Variants in BBS9 observed in about 807,000 individuals in gnomAD.
BBS9 encodes protein PTHB1.
Under a neutral mutation model 117.7 loss-of-function variants are expected in BBS9, and 89 were observed. That is an observed-to-expected ratio of 0.76 (90% CI 0.64 to 0.90). The LOEUF is 0.90. Among genes scored for constraint, BBS9 ranks in the 40% least tolerant of loss-of-function variants. The pLI, the probability that BBS9 is intolerant of heterozygous loss-of-function variation, is 0.00. For synonymous variants in BBS9, 379 were observed against 370.9 expected (o/e 1.02, Z -0.25); for missense variants, 982 against 1,042.2 (o/e 0.94, Z 0.80).
intron 20 of BBS9, among the ~76,000 whole-genome samples, chr7:33,525,654 G>A (rs1158448032): frequency 5.3e-5 from 7 of 131,210 alleles, no homozygotes; most frequent in African/African-American, 2.2e-4. Flanking sequence ...CTGCACGTGA[G>A]ATGGGTTTCC....
At chr7:33,473,620 C>T (rs762600042) in intron 19 of BBS9, among the ~76,000 whole-genome samples, 25 of 152,208 alleles carry the variant, frequency 1.6e-4, no homozygotes, top group Non-Finnish European at 2.6e-4. Flanking sequence ...CTACCACGCT[C>T]AGCCAACATT....
intron 5 of BBS9, among the ~76,000 whole-genome samples, chr7:33,209,424 T>G (rs1787592031): frequency 6.6e-6 from 1 of 152,238 alleles, no homozygotes. Flanking sequence ...AGATATCTCT[T>G]TGATATACTG....
chr7:33,194,583 T>C (rs1160669638), intron 5 of BBS9, among the ~76,000 whole-genome samples: 1 of 152,186 alleles, frequency 6.6e-6, no homozygotes, highest in Non-Finnish European at 1.5e-5. Flanking sequence ...AAAATTCCTG[T>C]GGATTCAGCA....
intron 12 of BBS9, among the ~76,000 whole-genome samples, chr7:33,347,182 A>G (rs1817747158): frequency 6.6e-6 from 1 of 152,220 alleles, no homozygotes; most frequent in Admixed American, 6.5e-5. Flanking sequence ...TGTAAAGAGT[A>G]AATTAAATAA....
intron 11 of BBS9, among the ~76,000 whole-genome samples, chr7:33,342,110 A>T (rs1171362574): frequency 6.6e-6 from 1 of 152,138 alleles, no homozygotes; most frequent in Non-Finnish European, 1.5e-5. Context: ...AACGTATATC[A>T]TGAGTGTCAA....
intron 17 of BBS9, among the ~76,000 whole-genome samples, chr7:33,369,403 T>C (rs573003834): frequency 6.6e-6 from 1 of 152,352 alleles, no homozygotes; most frequent in Non-Finnish European, 1.5e-5. Flanking sequence ...AGAACCCTGA[T>C]GTTGCCCACG....
intron 9 of BBS9, among the ~76,000 whole-genome samples, chr7:33,316,361 C>G (rs962720945): frequency 6.6e-6 from 1 of 152,116 alleles, no homozygotes; most frequent in African/African-American, 2.4e-5. Flanking sequence ...AAAATCTCTT[C>G]TGTGTAAATC....
intron 16 of BBS9, among the ~76,000 whole-genome samples, chr7:33,366,685 C>T (rs2128711605): frequency 6.6e-6 from 1 of 151,894 alleles, no homozygotes; most frequent in African/African-American, 2.4e-5. Flanking sequence ...GCTGGGACTA[C>T]AGGCGCATGC....
At chr7:33,435,451 A>G (rs73314991) in intron 19 of BBS9, among the ~76,000 whole-genome samples, 5,644 of 152,226 alleles carry the variant, frequency 0.037, 357 homozygotes, top group African/African-American at 0.13. Context: ...CCTTTTGTAG[A>G]TGTTCCTTAA....
intron 21 of BBS9, among the ~76,000 whole-genome samples, chr7:33,600,539 C>T (rs2129198634): frequency 6.6e-6 from 1 of 152,278 alleles, no homozygotes; most frequent in Middle Eastern, 3.4e-3. Context: ...CCCGACTCTG[C>T]ATAGCTAAGT....
chr7:33,219,545 C>A (rs1789794709), intron 5 of BBS9, among the ~76,000 whole-genome samples: 1 of 152,186 alleles, frequency 6.6e-6, no homozygotes, highest in African/African-American at 2.4e-5. Flanking sequence ...CCAGTCAGCA[C>A]CCTGTGTCTA....
In BBS9 at chr7:33,534,209, T is replaced by C. The variant is rs768317277; in HGVS notation, c.2521+33T>C. ...CTCTGTCCATGCTCCCTAATCACAA[T>C]TGTACTTCTCCTAAATTAGAGGAAT... On this transcript the variant is annotated intron_variant, in intron 21 of 22. Transcript: ENST00000242067. 9.4e-6 allele frequency: 15 copies of C among 1,592,324 alleles called. 1 individual carries two copies. In the Middle Eastern group the frequency reaches 8.3e-4, roughly 88 times the overall value.
chr7:33,352,372 G>A (rs1264119275), intron 14 of BBS9, among the ~76,000 whole-genome samples: 1 of 152,106 alleles, frequency 6.6e-6, no homozygotes, highest in Admixed American at 6.6e-5. Context: ...TTAACATTGA[G>A]AGAGTCTGCA....
At chr7:33,501,391 T>C (rs1253009272) in intron 19 of BBS9, among the ~76,000 whole-genome samples, 1 of 152,232 alleles carries the variant, frequency 6.6e-6, no homozygotes, top group Non-Finnish European at 1.5e-5. Context: ...GTAATTTACA[T>C]AAGGAATTGT....
chr7:33,325,403 C>A (rs1169859712), intron 9 of BBS9, among the ~76,000 whole-genome samples: 1 of 152,102 alleles, frequency 6.6e-6, no homozygotes, highest in Non-Finnish European at 1.5e-5. Flanking sequence ...TCTTGAATTT[C>A]TTTGTGTTTC....
In BBS9 at chr7:33,361,648, A is replaced by G. The variant is rs188781266; in HGVS notation, c.1693+3653A>G. ...ATTTCATTTTTAACTTGAATTTCCA[A>G]TATGTTTAATTTTTCTTAACTACTT... is the stretch of plus-strand genomic sequence containing the variant. On this transcript the variant is annotated intron_variant, in intron 16 of 22. Coordinates refer to ENST00000242067, the MANE Select transcript of BBS9 (RefSeq NM_198428.3). 7.6e-4 allele frequency among the ~76,000 whole-genome samples: 115 copies of G among 152,166 alleles called. 1 individual carries two copies. The highest frequency in any genetic ancestry group is 1.6e-4 in the Non-Finnish European group (11 of 67,970).
At chr7:33,171,150 A>G (rs2128146156) in intron 4 of BBS9, among the ~76,000 whole-genome samples, 1 of 152,334 alleles carries the variant, frequency 6.6e-6, no homozygotes, top group Admixed American at 6.5e-5. Flanking sequence ...CGCCAAGTCA[A>G]TCCCAAGCCA....
At chr7:33,200,171 T>C (rs143881820) in intron 5 of BBS9, among the ~76,000 whole-genome samples, 126 of 152,266 alleles carry the variant, frequency 8.3e-4, no homozygotes, top group African/African-American at 2.9e-3. Flanking sequence ...TATCACTGTT[T>C]TCATTTCTGT....
intron 20 of BBS9, among the ~76,000 whole-genome samples, chr7:33,510,018 C>A (rs1468611562): frequency 6.6e-6 from 1 of 152,008 alleles, no homozygotes; most frequent in Admixed American, 6.6e-5. Context: ...GTTATATGGG[C>A]CAGATGTGTT....
Sources: gnomAD v4.1 joint callset for allele counts (sites outside exome capture counted in the v4.1 genomes callset) on GRCh38, gnomAD v4.1.1 for gene constraint, MANE v1.5 for transcripts, NCBI Gene and HGNC (gene_info 2026-07-23, HGNC 2026-07-21) for gene names.